The following RASSF8 variants were observed in gnomAD, a reference collection of about 807,000 sequenced individuals.
The protein encoded by RASSF8 is Ras association domain family member 8, also known as ras association domain-containing protein 8.
A neutral mutation model predicts 48.5 loss-of-function variants in RASSF8; 22 were observed. The ratio of observed to expected loss-of-function variants is 0.45; its 90% confidence interval spans 0.32 to 0.65. RASSF8 has a LOEUF of 0.65. RASSF8 is among the 30% of genes least tolerant of loss of function. The probability of loss-of-function intolerance (pLI) is 0.03; values close to 1 mark genes in which losing one functional copy is unlikely to be tolerated. For missense variants in RASSF8, 418 were observed against 489.2 expected (o/e 0.85, Z 1.37); for synonymous variants, 127 against 171.5 (o/e 0.74, Z 2.03).
At chr12:26,074,351 GGTT>G (rs1205360984), downstream of RASSF8, among the ~76,000 whole-genome samples, 1 of 151,948 alleles carries the variant, frequency 6.6e-6, no homozygotes, top group African/African-American at 2.4e-5. Flanking sequence ...ACCTTCAGGA[GGTT>G]TTTTTTGAGG....
Position 26,069,828 on chromosome 12 carries a change from A to ATT in RASSF8, c.*1011_*1012dup. ...TGCTTGCACATAATTTGCTCTGCAT[A>ATT]TTATGGACCATTGTGGTTTCTTCCA... On this transcript the variant is annotated 3_prime_UTR_variant, in exon 6 of 6. Transcript: ENST00000689635. 2 of 985,216 alleles carry ATT rather than the reference A, an allele frequency of 2.0e-6. No homozygotes were observed. The highest frequency in any genetic ancestry group is 2.4e-6 in the Non-Finnish European group (2 of 829,714). 61.0% of individuals were successfully genotyped at this position (985,216 alleles called of 1,614,324 possible). A position where few individuals can be genotyped will look rare whatever the true frequency, so the allele number is the denominator to read the frequency against.
intron 1 of RASSF8, among the ~76,000 whole-genome samples, chr12:25,977,708 CT>C (rs1456252630): frequency 6.6e-6 from 1 of 151,640 alleles, no homozygotes; most frequent in African/African-American, 2.4e-5. Flanking sequence ...TACAAGTATA[CT>C]TTGATTTTGC....
intron 1 of RASSF8, among the ~76,000 whole-genome samples, chr12:25,987,798 A>G (rs1243465225): frequency 3.3e-5 from 5 of 152,114 alleles, no homozygotes; most frequent in Non-Finnish European, 7.4e-5. Flanking sequence ...GCTCTTTTTT[A>G]AAAAGAGAAT....
intron 2 of RASSF8, among the ~76,000 whole-genome samples, chr12:26,054,932 GA>G (rs968823551): frequency 3.3e-5 from 5 of 151,338 alleles, no homozygotes; most frequent in Non-Finnish European, 5.9e-5. Flanking sequence ...AATCCAAAAA[GA>G]AAAAAAACAG....
intron 2 of RASSF8, among the ~76,000 whole-genome samples, chr12:26,008,001 C>T (rs552557770): frequency 6.6e-6 from 1 of 152,258 alleles, no homozygotes; most frequent in African/African-American, 2.4e-5. Flanking sequence ...ACATCAGGTG[C>T]GGTGGCTCAC....
chr12:26,055,483 T>C, intron 3 of RASSF8, 37 bp downstream of exon 3: 1 of 1,497,814 alleles, frequency 6.7e-7, no homozygotes, highest in African/African-American at 1.4e-5. Flanking sequence ...AAAAGTACAT[T>C]GTGCTTTCTT....
intron 1 of RASSF8, among the ~76,000 whole-genome samples, chr12:25,992,721 C>T (rs749028213): frequency 2.8e-4 from 43 of 152,086 alleles, no homozygotes; most frequent in Admixed American, 9.8e-4. Context: ...TGGACAGCCA[C>T]GGGAAGGGAT....
downstream of RASSF8, among the ~76,000 whole-genome samples, chr12:26,073,759 A>T (rs1372503279): frequency 6.7e-5 from 9 of 134,432 alleles, no homozygotes; most frequent in South Asian, 4.7e-4. Context: ...ACACACACAC[A>T]CACACACACA....
rs149387260 is a variant in RASSF8 at position 26,004,101 on chromosome 12, T to C, written c.-109+8971T>C. ...CTGAGGTGAAAGGATTGTTTGAGCC[T>C]GGGAGGTCAAGGCTGCAGTGAGTTG... is the stretch of plus-strand genomic sequence containing the variant. On this transcript the variant is annotated intron_variant, in intron 2 of 5. Coordinates refer to ENST00000689635, the MANE Select transcript of RASSF8 (RefSeq NM_001394098.1). 3.0e-3 allele frequency among the ~76,000 whole-genome samples: 463 copies of C among 152,240 alleles called. 5 individuals carry two copies. The highest frequency in any genetic ancestry group is 0.011 in the African/African-American group (443 of 41,548).
rs1941914724 is a variant in RASSF8, at chr12:25,987,499, GTAAAGTA to G, written c.-202-7534_-202-7528del. On this transcript the variant is annotated intron_variant, in intron 1 of 5. Coordinates refer to ENST00000689635, the MANE Select transcript of RASSF8 (RefSeq NM_001394098.1). ...GGAAATGATAAGGTTTCAGAAACAGGTAAAGTATAATCTGTACAAGTGCCCGGTTTAA... is the reference window on the plus strand; with the variant it reads ...GGAAATGATAAGGTTTCAGAAACAGGTAATCTGTACAAGTGCCCGGTTTAA... 2.0e-5 allele frequency among the ~76,000 whole-genome samples: 3 copies of G among 152,318 alleles called. No individual in the cohort carries two copies. The South Asian group carries it at 6.2e-4, about 32-fold the overall frequency.
chr12:26,022,647 A>T (rs1455184830), intron 2 of RASSF8, among the ~76,000 whole-genome samples: 2 of 152,122 alleles, frequency 1.3e-5, no homozygotes, highest in East Asian at 3.8e-4. Context: ...TAGAAATTAT[A>T]AAAAAATTAT....
intron 2 of RASSF8, among the ~76,000 whole-genome samples, chr12:25,997,427 A>G (rs1942158266): frequency 6.6e-6 from 1 of 152,136 alleles, no homozygotes; most frequent in Non-Finnish European, 1.5e-5. Flanking sequence ...AGTAGTTTAA[A>G]AATACTCTCA....
intron 2 of RASSF8, among the ~76,000 whole-genome samples, chr12:26,048,840 A>G (rs1317966748): frequency 1.3e-5 from 2 of 150,642 alleles, no homozygotes; most frequent in Middle Eastern, 3.4e-3. Context: ...CGCAACCTCC[A>G]CCTCTCATGT....
At chr12:25,965,439 C>T (rs753802647) in intron 1 of RASSF8, among the ~76,000 whole-genome samples, 1 of 147,094 alleles carries the variant, frequency 6.8e-6, no homozygotes, top group Non-Finnish European at 1.5e-5. Flanking sequence ...GATCTTGGCT[C>T]ACTCAACCAC....
At chr12:26,019,209 G>A (rs555604567) in intron 2 of RASSF8, among the ~76,000 whole-genome samples, 3 of 152,118 alleles carry the variant, frequency 2.0e-5, no homozygotes, top group Non-Finnish European at 4.4e-5. Context: ...AATAGCAAAA[G>A]CATGTCACAT....
intron 2 of RASSF8, among the ~76,000 whole-genome samples, chr12:26,025,736 A>G (rs928094489): frequency 6.6e-6 from 1 of 152,158 alleles, no homozygotes; most frequent in Non-Finnish European, 1.5e-5. Flanking sequence ...TTGCATTTCT[A>G]TATACTATCA....
At chr12:26,042,111 T>C (rs1362991966) in intron 2 of RASSF8, among the ~76,000 whole-genome samples, 1 of 152,222 alleles carries the variant, frequency 6.6e-6, no homozygotes, top group Non-Finnish European at 1.5e-5. Flanking sequence ...AAAGGTTTGG[T>C]TTATTATTTA....
intron 1 of RASSF8, among the ~76,000 whole-genome samples, chr12:25,985,722 A>G (rs1941857176): frequency 6.6e-6 from 1 of 152,180 alleles, no homozygotes. Context: ...GCCAAAATTA[A>G]TATTTGGGGG....
At chr12:26,046,117 G>A (rs1367146923) in intron 2 of RASSF8, among the ~76,000 whole-genome samples, 1 of 152,184 alleles carries the variant, frequency 6.6e-6, no homozygotes, top group Non-Finnish European at 1.5e-5. Context: ...AACCTCAGGG[G>A]TTGTATATTC....
Sources: allele counts gnomAD v4.1 joint callset (sites outside exome capture counted in the v4.1 genomes callset), GRCh38; gene constraint gnomAD v4.1.1; transcripts MANE v1.5; gene names NCBI Gene and HGNC (gene_info 2026-07-23, HGNC 2026-07-21).